CFHR5: variants seen among roughly 807,000 people sequenced by gnomAD.
CFHR5 encodes the protein complement factor H-related protein 5.
In CFHR5, 73 loss-of-function variants were observed where a neutral mutation model predicts 62.9. The ratio of observed to expected loss-of-function variants is 1.16; its 90% CI spans 0.96 to 1.41. The LOEUF (loss-of-function observed/expected upper bound fraction) is 1.41. Ranked by LOEUF, CFHR5 falls within the 40% of genes most tolerant of loss-of-function variation. The pLI is 0.00. For missense variants in CFHR5, 779 were observed against 679.9 expected (o/e 1.15, Z -1.62); for synonymous variants, 249 against 227.2 (o/e 1.10, Z -0.86).
chr1:196,978,067 T>C (rs576861404), intron 1 of CFHR5, among the ~76,000 whole-genome samples: 2 of 152,116 alleles, frequency 1.3e-5, no homozygotes, highest in African/African-American at 4.8e-5. Context: ...ACTAGAAAAA[T>C]CAACCCCAAA....
intron 6 of CFHR5, among the ~76,000 whole-genome samples, chr1:196,997,000 C>G (rs1268054861): frequency 1.3e-5 from 2 of 152,006 alleles, no homozygotes; most frequent in Non-Finnish European, 2.9e-5. Flanking sequence ...ACCCTCAGAT[C>G]CTGGCCTCTT....
upstream of CFHR5, among the ~76,000 whole-genome samples, chr1:196,975,792 A>G (rs1443588485): frequency 6.6e-6 from 1 of 152,132 alleles, no homozygotes; most frequent in Non-Finnish European, 1.5e-5. Flanking sequence ...TTGTAGACAC[A>G]CTCTGCTGCT....
intron 1 of CFHR5, among the ~76,000 whole-genome samples, chr1:196,980,581 T>C (rs1161972291): frequency 7.2e-6 from 1 of 139,152 alleles, no homozygotes; most frequent in East Asian, 2.2e-4. Context: ...ACTGTATGTC[T>C]GTATATATAC....
chr1:197,007,130 C>T (rs995338754), intron 9 of CFHR5, among the ~76,000 whole-genome samples: 33 of 151,894 alleles, frequency 2.2e-4, no homozygotes, highest in African/African-American at 7.2e-4. Context: ...CCACCACGCC[C>T]GGCCCAATGT....
intron 3 of CFHR5, 70 bp downstream of exon 3, chr1:196,984,207 AT>A (rs1254618932): frequency 7.7e-7 from 1 of 1,296,828 alleles, no homozygotes; most frequent in Non-Finnish European, 1.1e-6. Context: ...TATAGATTAA[AT>A]ATAGGTTAAA....
At chr1:196,975,687 GA>G (rs1558279364), upstream of CFHR5, among the ~76,000 whole-genome samples, 3 of 152,308 alleles carry the variant, frequency 2.0e-5, no homozygotes, top group East Asian at 5.8e-4. Flanking sequence ...GGGAGATAAT[GA>G]AAACAGGAGA....
At chr1:197,001,215 C>G (rs1654144699) in intron 7 of CFHR5, among the ~76,000 whole-genome samples, 1 of 151,950 alleles carries the variant, frequency 6.6e-6, no homozygotes, top group Admixed American at 6.6e-5. Context: ...ATCAGTGGGC[C>G]CCAGTCCCAG....
At chr1:196,981,081 A>G (rs1470128843) in intron 1 of CFHR5, among the ~76,000 whole-genome samples, 1 of 152,132 alleles carries the variant, frequency 6.6e-6, no homozygotes, top group East Asian at 1.9e-4. Flanking sequence ...ATTATTTCAA[A>G]TATTGTGCAA....
chr1:197,008,636 C>A lies in CFHR5; in HGVS notation c.1663C>A (p.Arg555=). Residue 555 remains arginine, a synonymous_variant, in exon 10 of 10, where the codon CGA becomes AGA. Transcript: ENST00000256785. ...AGCGATGATATCATCACCACCATTT[C>A]GAGCAATCTGTCAGGAAGGGAAATT... ...HKAMISSPPF[R]AICQEGKFEY... 6.2e-7 allele frequency: 1 copy of A among 1,613,790 alleles called. No homozygotes were observed. Among genetic ancestry groups the A allele is most frequent in the Non-Finnish European group, 8.5e-7 (1 of 1,179,830 alleles).
intron 7 of CFHR5, among the ~76,000 whole-genome samples, chr1:197,000,288 G>A (rs1228665543): frequency 6.6e-6 from 1 of 152,034 alleles, no homozygotes; most frequent in Non-Finnish European, 1.5e-5. Context: ...GCTTGTTCTT[G>A]AGAAAAATAA....
rs1291580512 is a variant in CFHR5, at chr1:196,987,388, G to C, written c.430+3251G>C. Among the ~76,000 whole-genome samples, 3 of 152,088 alleles carry C rather than the reference G, an allele frequency of 2.0e-5. No homozygotes were observed. In the East Asian group the frequency reaches 5.8e-4, roughly 29 times the overall value. On this transcript the variant is annotated intron_variant, in intron 3 of 9. Coordinates refer to ENST00000256785, the MANE Select transcript of CFHR5 (RefSeq NM_030787.4). ...TAATTAGATTCCATTTGTCTATTTT[G>C]GCTTTTGTTGCCATTGCTTTTTGTG...
chr1:196,986,723 A>G (rs1653692009), intron 3 of CFHR5, among the ~76,000 whole-genome samples: 1 of 152,182 alleles, frequency 6.6e-6, no homozygotes, highest in African/African-American at 2.4e-5. Flanking sequence ...GCTGCATAGT[A>G]TTCCATGGTG....
intron 6 of CFHR5, among the ~76,000 whole-genome samples, chr1:196,996,574 T>A (rs1486883230): frequency 6.6e-6 from 1 of 152,196 alleles, no homozygotes; most frequent in Non-Finnish European, 1.5e-5. Flanking sequence ...AATATTTAAT[T>A]GGGATATTGT....
chr1:197,002,635 G>T lies in CFHR5; in HGVS notation c.1301G>T (p.Gly434Val). Residue 434 changes from glycine (G) to valine (V), a missense_variant, in exon 8 of 10, where the codon GGA (glycine) becomes GTA (valine). Gly to Val is a moderately radical substitution (Grantham distance 109). Coordinates refer to ENST00000256785, the MANE Select transcript of CFHR5 (RefSeq NM_030787.4). ...GCAAAAGAAATTGTATGTAAAGATG[G>T]ACGATGGCAATCATTACCACGCTGT... ...PEAKEIVCKD[G>V]RWQSLPRCVE... 6.2e-7 allele frequency: 1 copy of T among 1,613,500 alleles called. No individual in the cohort carries two copies. The highest frequency in any genetic ancestry group is 8.5e-7 in the Non-Finnish European group (1 of 1,179,678).
At chr1:196,984,377 A>C (rs1653627661) in intron 3 of CFHR5, among the ~76,000 whole-genome samples, 1 of 152,220 alleles carries the variant, frequency 6.6e-6, no homozygotes, top group African/African-American at 2.4e-5. Flanking sequence ...ATAATCCATT[A>C]ATGTAACAAC....
At chr1:196,975,050 G>C (rs566877684), upstream of CFHR5, among the ~76,000 whole-genome samples, 13 of 152,268 alleles carry the variant, frequency 8.5e-5, no homozygotes, top group Admixed American at 3.3e-4. Flanking sequence ...AGACTGAGAT[G>C]GTGAAGCCTT....
intron 3 of CFHR5, among the ~76,000 whole-genome samples, chr1:196,991,275 T>C (rs897488512): frequency 1.3e-5 from 2 of 152,184 alleles, no homozygotes; most frequent in East Asian, 3.9e-4. Context: ...TAATCTTTTT[T>C]CAAGGTTTTT....
intron 3 of CFHR5, among the ~76,000 whole-genome samples, chr1:196,988,404 A>G (rs962838258): frequency 6.6e-6 from 1 of 152,104 alleles, no homozygotes; most frequent in African/African-American, 2.4e-5. Context: ...TTCCAACACT[A>G]TGTTGAATAG....
At chr1:196,997,430 G>C (rs1654022588) in intron 6 of CFHR5, among the ~76,000 whole-genome samples, 1 of 152,124 alleles carries the variant, frequency 6.6e-6, no homozygotes, top group Non-Finnish European at 1.5e-5. Flanking sequence ...AGAAGTAGCA[G>C]AGCACACTCC....
Sources: allele counts gnomAD v4.1 joint callset (sites outside exome capture counted in the v4.1 genomes callset), GRCh38; gene constraint gnomAD v4.1.1; transcripts MANE v1.5; gene names NCBI Gene and HGNC (gene_info 2026-07-23, HGNC 2026-07-21).